The following KCNIP1 variants were observed in gnomAD, a reference collection of about 807,000 sequenced individuals.
The protein encoded by KCNIP1 is potassium voltage-gated channel interacting protein 1.
A neutral mutation model predicts 33.0 loss-of-function variants in KCNIP1; 18 were observed. The ratio of observed to expected loss-of-function variants is 0.55; its 90% CI spans 0.38 to 0.81. The LOEUF is 0.81. KCNIP1 is among the 30% of genes least tolerant of loss of function. The pLI is 0.00. For synonymous variants in KCNIP1, 93 were observed against 98.3 expected, an observed-to-expected ratio of 0.95 and a Z score of 0.32; for missense variants, 238 against 271.6, an observed-to-expected ratio of 0.88 and a Z score of 0.87.
chr5:170,732,418 C>T (rs113637730), intron 5 of KCNIP1, among the ~76,000 whole-genome samples: 2 of 152,308 alleles, frequency 1.3e-5, no homozygotes, highest in African/African-American at 4.8e-5. Flanking sequence ...TAACTGAAAA[C>T]AGTGGCAGAA....
chr5:170,734,174 C>T (rs776220746), intron 7 of KCNIP1, among the ~76,000 whole-genome samples: 12 of 147,746 alleles, frequency 8.1e-5, no homozygotes, highest in East Asian at 2.6e-4. Context: ...ATAGACTTCC[C>T]GAGAGGGCAA....
At chr5:170,409,880 G>T (rs1755136406) in intron 1 of KCNIP1, among the ~76,000 whole-genome samples, 1 of 152,180 alleles carries the variant, frequency 6.6e-6, no homozygotes, top group Admixed American at 6.5e-5. Flanking sequence ...GCATTCAAGG[G>T]GTTAATACCC....
At chr5:170,493,979 C>T (rs1478699864) in intron 1 of KCNIP1, among the ~76,000 whole-genome samples, 5 of 152,178 alleles carry the variant, frequency 3.3e-5, no homozygotes, top group Admixed American at 6.5e-5. Context: ...AGCAGGGGCC[C>T]GGTGGCTGCT....
At chr5:170,405,281 G>A (rs558208435) in intron 1 of KCNIP1, among the ~76,000 whole-genome samples, 33 of 151,816 alleles carry the variant, frequency 2.2e-4, no homozygotes, top group African/African-American at 7.5e-4. Flanking sequence ...TGTAACCTCC[G>A]CCTCCAGGTA....
At chr5:170,523,230 T>C (rs1025227928) in intron 1 of KCNIP1, among the ~76,000 whole-genome samples, 3 of 152,122 alleles carry the variant, frequency 2.0e-5, no homozygotes, top group Non-Finnish European at 4.4e-5. Context: ...AGAGTTCAGT[T>C]CCCTCGGCCA....
At chr5:170,354,134 T>C (rs1763283480) in intron 1 of KCNIP1, among the ~76,000 whole-genome samples, 1 of 152,046 alleles carries the variant, frequency 6.6e-6, no homozygotes, top group Non-Finnish European at 1.5e-5. Flanking sequence ...TGGCTTTGAG[T>C]AGGCGGGCAC....
chr5:170,518,611 AG>A (rs1477648973), intron 1 of KCNIP1, among the ~76,000 whole-genome samples: 1 of 152,248 alleles, frequency 6.6e-6, no homozygotes, highest in African/African-American at 2.4e-5. Flanking sequence ...GGGGGTTATC[AG>A]GCACATCAGA....
intron 1 of KCNIP1, among the ~76,000 whole-genome samples, chr5:170,521,751 G>A (rs145969546): frequency 1.8e-4 from 28 of 152,328 alleles, no homozygotes; most frequent in African/African-American, 6.5e-4. Flanking sequence ...ATCTCAAGGA[G>A]GTAGGCCTAG....
At chr5:170,628,331 G>A (rs974036132) in intron 1 of KCNIP1, among the ~76,000 whole-genome samples, 6 of 152,066 alleles carry the variant, frequency 3.9e-5, no homozygotes, top group African/African-American at 1.4e-4. Flanking sequence ...AGAAATCATG[G>A]CATCTCATCC....
At chr5:170,445,848 A>G (rs901376635) in intron 1 of KCNIP1, among the ~76,000 whole-genome samples, 1 of 152,160 alleles carries the variant, frequency 6.6e-6, no homozygotes, top group African/African-American at 2.4e-5. Flanking sequence ...ATTGGGCAAC[A>G]TTGTTCCTTC....
chr5:170,708,312 T>G (rs1353911174), intron 1 of KCNIP1, among the ~76,000 whole-genome samples: 1 of 152,218 alleles, frequency 6.6e-6, no homozygotes, highest in Non-Finnish European at 1.5e-5. Context: ...AATGCCAGCA[T>G]GCCATCATTA....
intron 1 of KCNIP1, among the ~76,000 whole-genome samples, chr5:170,626,618 A>C (rs540109737): frequency 9.2e-5 from 14 of 152,310 alleles, no homozygotes; most frequent in African/African-American, 3.4e-4. Flanking sequence ...CCAGGTGTGG[A>C]GAAGAGGCTG....
Position 170,504,708 on chromosome 5 carries a change from G to T in KCNIP1, c.61+75G>T, listed in dbSNP as rs1754639974. On this transcript the variant is annotated intron_variant, in intron 1 of 7. Transcript: ENST00000328939. The surrounding 1 kb of genome is among the most constrained non-coding windows in gnomAD (Gnocchi z 6.0). The stretch of plus-strand genomic sequence containing the variant: ...GGCGCCGAGGTGGGCTGTGCCACCT[G>T]CCTCCCTTAGTCCGGACTCTCCTCT... 2 of 1,210,164 alleles carry T rather than the reference G, an allele frequency of 1.7e-6. No individual in the cohort carries two copies. The highest frequency in any genetic ancestry group is 1.2e-6 in the Non-Finnish European group (1 of 814,254). 75.0% of individuals were successfully genotyped at this position (1,210,164 alleles called of 1,614,324 possible). A position where few individuals can be genotyped will look rare whatever the true frequency, so the allele number is the denominator to read the frequency against.
intron 1 of KCNIP1, chr5:170,680,648 ATC>A (rs1175955184): frequency 6.5e-6 from 1 of 153,982 alleles, no homozygotes; most frequent in Non-Finnish European, 1.4e-5. Context: ...AGCATCTTTC[ATC>A]TCTCCATCTA....
intron 1 of KCNIP1, among the ~76,000 whole-genome samples, chr5:170,649,093 T>C (rs2113716911): frequency 1.3e-5 from 2 of 152,290 alleles, no homozygotes; most frequent in South Asian, 4.2e-4. Flanking sequence ...GTAAATAGTT[T>C]GGAAATGCCT....
chr5:170,656,779 C>T (rs976756990), intron 1 of KCNIP1, among the ~76,000 whole-genome samples: 1 of 152,144 alleles, frequency 6.6e-6, no homozygotes, highest in Non-Finnish European at 1.5e-5. Context: ...GACTGTGGAG[C>T]ATCATCCCAA....
upstream of KCNIP1, among the ~76,000 whole-genome samples, chr5:170,501,075 A>G (rs1237913984): frequency 6.6e-6 from 1 of 152,218 alleles, no homozygotes. Context: ...CAGTATGTAA[A>G]GCAGTTAAAA....
chr5:170,667,818 T>C (rs1761763409), intron 1 of KCNIP1, among the ~76,000 whole-genome samples: 1 of 152,204 alleles, frequency 6.6e-6, no homozygotes, highest in African/African-American at 2.4e-5. Context: ...AAGCAGCCAA[T>C]TAATATTACT....
At chr5:170,353,693 C>T in exon 1 of KCNIP1, 2 of 615,012 alleles carry the variant, frequency 3.3e-6, no homozygotes, top group Non-Finnish European at 5.7e-6. Context: ...GCCCTGCAGG[C>T]TCTCTGGATG....
Sources: gnomAD v4.1 joint callset for allele counts (sites outside exome capture counted in the v4.1 genomes callset) on GRCh38, gnomAD v4.1.1 for gene constraint, Gnocchi (gnomAD v3.1) non-coding constraint, MANE v1.5 for transcripts, NCBI Gene and HGNC (gene_info 2026-07-23, HGNC 2026-07-21) for gene names.